ACOT12: variants seen among roughly 807,000 people sequenced by gnomAD.
ACOT12 encodes the protein acyl-CoA thioesterase 12, also known as acetyl-coenzyme A thioesterase.
In ACOT12, 51 loss-of-function variants were observed where a neutral mutation model predicts 67.7. That is an observed-to-expected ratio of 0.75 (90% CI 0.60 to 0.95). The LOEUF is 0.95. ACOT12 is among the 40% of genes least tolerant of loss of function. The pLI, the probability that ACOT12 is intolerant of heterozygous loss-of-function variation, is 0.00. For missense variants in ACOT12, 734 were observed against 708.1 expected (o/e 1.04, Z -0.41); for synonymous variants, 251 against 244.6 (o/e 1.03, Z -0.24).
At chr5:81,371,835 C>G in intron 2 of ACOT12, 25 bp from the exon 3 acceptor site, 2 of 1,605,668 alleles carry the variant, frequency 1.2e-6, no homozygotes, top group South Asian at 2.2e-5. Flanking sequence ...ACAAAAAAAC[C>G]TCAGTAGTTT....
chr5:81,317,102 G>A, the ACOT12 span, among the ~76,000 whole-genome samples: 3 of 151,874 alleles, frequency 2.0e-5, no homozygotes, highest in Non-Finnish European at 4.4e-5. Flanking sequence ...TGTGTTTTTG[G>A]TGTTATCTTT....
At chr5:81,377,955 T>C (rs9686399) in intron 2 of ACOT12, among the ~76,000 whole-genome samples, 1 of 152,016 alleles carries the variant, frequency 6.6e-6, no homozygotes, top group Non-Finnish European at 1.5e-5. Flanking sequence ...GAAGCTACCA[T>C]TGACTTTCTT....
chr5:81,361,290 G>A (rs1415094815), intron 4 of ACOT12, among the ~76,000 whole-genome samples: 2 of 150,566 alleles, frequency 1.3e-5, no homozygotes, highest in Admixed American at 6.6e-5. Flanking sequence ...ATAGCTTCCT[G>A]TAACCTCAAA....
intron 4 of ACOT12, among the ~76,000 whole-genome samples, chr5:81,361,574 T>A (rs766060400): frequency 2.6e-5 from 4 of 152,164 alleles, no homozygotes; most frequent in Non-Finnish European, 4.4e-5. Context: ...GGTAAACTTG[T>A]GTGTTGGTTC....
intron 2 of ACOT12, among the ~76,000 whole-genome samples, chr5:81,381,403 C>A: frequency 6.6e-6 from 1 of 152,032 alleles, no homozygotes; most frequent in East Asian, 1.9e-4. Flanking sequence ...TGTCACTGAC[C>A]AAAATGCTGC....
intron 12 of ACOT12, among the ~76,000 whole-genome samples, chr5:81,333,328 C>T (rs1364373168): frequency 3.3e-5 from 5 of 152,100 alleles, no homozygotes; most frequent in African/African-American, 4.8e-5. Flanking sequence ...TATTGGAAAC[C>T]GCACTAGCTT....
chr5:81,363,277 C>T (rs1198236431), intron 4 of ACOT12, among the ~76,000 whole-genome samples: 1 of 152,178 alleles, frequency 6.6e-6, no homozygotes, highest in East Asian at 1.9e-4. Flanking sequence ...GCCAAAGTAT[C>T]ACTTCGGAGG....
At chr5:81,320,231 C>T in the ACOT12 span, among the ~76,000 whole-genome samples, 2 of 152,112 alleles carry the variant, frequency 1.3e-5, no homozygotes, top group East Asian at 1.9e-4. Context: ...GAAGATAAGC[C>T]GGTGCTGAAG....
At chr5:81,371,726 G>C (rs1242806690) in intron 3 of ACOT12, 24 bp downstream of exon 3, 1 of 1,610,142 alleles carries the variant, frequency 6.2e-7, no homozygotes, top group South Asian at 1.1e-5. Context: ...CCAACAGGCA[G>C]ATGTTTGAAA....
At position 81,389,609 on chromosome 5, in the gene ACOT12, C is replaced by G. The variant is rs368863224; in HGVS notation, c.128-3783G>C. ...GTGGCACAATCTTGGCTCACTGCAA[C>G]CTCCGCCTCCTGGGTTCAAGAGATT... is the stretch of plus-strand genomic sequence containing the variant. On this transcript the variant is annotated intron_variant, in intron 1 of 14. Coordinates refer to ENST00000307624, the MANE Select transcript of ACOT12 (RefSeq NM_130767.3). 6.6e-5 allele frequency among the ~76,000 whole-genome samples: 10 copies of G among 152,202 alleles called. No homozygotes were observed. In the South Asian group the frequency reaches 1.0e-3, roughly 16 times the overall value.
chr5:81,344,612 G>T (rs1759313817), intron 8 of ACOT12, among the ~76,000 whole-genome samples: 2 of 152,188 alleles, frequency 1.3e-5, no homozygotes, highest in African/African-American at 4.8e-5. Flanking sequence ...AAGGAAGTGA[G>T]AGAAGAGACC....
In ACOT12 at chr5:81,344,202, C is replaced by T. The variant is rs781742839; in HGVS notation, c.938G>A (p.Arg313His). 13 of 1,612,952 alleles carry T rather than the reference C, an allele frequency of 8.1e-6. No individual in the cohort carries two copies. Among genetic ancestry groups the T allele is most frequent in the Middle Eastern group, 1.6e-4 (1 of 6,082 alleles). Residue 313 changes from arginine (R) to histidine (H), a missense_variant, in exon 9 of 15, where the codon CGC (arginine) becomes CAC (histidine). By Grantham distance (29) the Arg-to-His change is conservative. Coordinates refer to ENST00000307624, the MANE Select transcript of ACOT12 (RefSeq NM_130767.3). ...CTTGCGTGCAATAGCTCCCCGATAG[C>T]GTCTGAAATCATCCTTTAATCAAAA... is the stretch of plus-strand genomic sequence containing the variant. ...IQPISKDDFR[R>H]YRGAIARKRI...
chr5:81,334,206 T>A (rs1758921630), intron 12 of ACOT12, among the ~76,000 whole-genome samples: 1 of 152,186 alleles, frequency 6.6e-6, no homozygotes, highest in Non-Finnish European at 1.5e-5. Context: ...GAGCCGTTTT[T>A]TCCAGTACAC....
At chr5:81,314,238 G>A in the ACOT12 span, among the ~76,000 whole-genome samples, 2 of 152,052 alleles carry the variant, frequency 1.3e-5, no homozygotes, top group Non-Finnish European at 2.9e-5. Context: ...CTGAGTAGCT[G>A]GGATTATAGG....
At chr5:81,335,937 A>T in intron 11 of ACOT12, 36 bp from the exon 12 acceptor site, 1 of 1,583,554 alleles carries the variant, frequency 6.3e-7, no homozygotes, top group Non-Finnish European at 8.6e-7. Context: ...TACGAAAGAA[A>T]ACTGATGCTT....
At chr5:81,327,522 C>T (rs115902488), downstream of ACOT12, among the ~76,000 whole-genome samples, 2,060 of 152,272 alleles carry the variant, frequency 0.014, 39 homozygotes, top group African/African-American at 0.047. Flanking sequence ...CAAACTGCAA[C>T]CTTCGCCTCC....
downstream of ACOT12, among the ~76,000 whole-genome samples, chr5:81,328,510 T>C (rs1758728948): frequency 6.6e-6 from 1 of 152,208 alleles, no homozygotes; most frequent in Admixed American, 6.5e-5. Context: ...CCTTAGTTAA[T>C]TTTGGCATTG....
the ACOT12 span, among the ~76,000 whole-genome samples, chr5:81,316,116 G>A: frequency 6.6e-6 from 1 of 152,192 alleles, no homozygotes. Flanking sequence ...AATTTAGGAA[G>A]CCATGGGAAA....
At chr5:81,314,117 A>AT in the ACOT12 span, among the ~76,000 whole-genome samples, 160 of 149,560 alleles carry the variant, frequency 1.1e-3, no homozygotes, top group Middle Eastern at 6.9e-3. Flanking sequence ...TGTGTGTATA[A>AT]TTTTTTTTTT....
Sources: allele counts gnomAD v4.1 joint callset (sites outside exome capture counted in the v4.1 genomes callset), GRCh38; gene constraint gnomAD v4.1.1; transcripts MANE v1.5; gene names NCBI Gene and HGNC (gene_info 2026-07-23, HGNC 2026-07-21).